Variants in MARCHF8 observed in about 807,000 individuals in gnomAD.
MARCHF8 encodes membrane associated ring-CH-type finger 8.
Under a neutral mutation model 51.6 loss-of-function variants are expected in MARCHF8, and 40 were observed. The observed-to-expected ratio is 0.77, with a 90% CI of 0.60 to 1.01. The LOEUF is 1.01. Ranked by LOEUF, MARCHF8 falls within the 50% of genes least tolerant of loss-of-function variation. MARCHF8 has a pLI of 0.00. For synonymous variants in MARCHF8, 263 were observed against 280.3 expected (o/e 0.94, Z 0.62); for missense variants, 685 against 708.6 (o/e 0.97, Z 0.38).
intron 1 of MARCHF8, among the ~76,000 whole-genome samples, chr10:45,568,105 G>T (rs2044384922): frequency 6.6e-6 from 1 of 152,108 alleles, no homozygotes; most frequent in South Asian, 2.1e-4. Context: ...AAATGCTACT[G>T]ATTTTGGTAC....
At chr10:45,469,662 G>A (rs554164061) in intron 3 of MARCHF8, among the ~76,000 whole-genome samples, 43 of 151,956 alleles carry the variant, frequency 2.8e-4, no homozygotes, top group African/African-American at 8.0e-4. Context: ...TCAGGAGATC[G>A]AGACCATCCT....
chr10:45,510,777 A>C (rs1439046598), intron 2 of MARCHF8, among the ~76,000 whole-genome samples: 1 of 152,124 alleles, frequency 6.6e-6, no homozygotes, highest in Non-Finnish European at 1.5e-5. Flanking sequence ...ACAGCCACAC[A>C]TTTGTTCTAA....
At chr10:45,479,453 G>A (rs569622701) in intron 3 of MARCHF8, among the ~76,000 whole-genome samples, 3 of 152,240 alleles carry the variant, frequency 2.0e-5, no homozygotes, top group East Asian at 3.9e-4. Flanking sequence ...AAGAATGCCC[G>A]CTGATATGAT....
chr10:45,496,643 G>C (rs534911662), intron 2 of MARCHF8, among the ~76,000 whole-genome samples: 1 of 152,040 alleles, frequency 6.6e-6, no homozygotes, highest in South Asian at 2.1e-4. Context: ...ACAATGTATT[G>C]TTGGGTTTGT....
At chr10:45,592,561 A>T (rs2044692764) in intron 1 of MARCHF8, among the ~76,000 whole-genome samples, 1 of 152,228 alleles carries the variant, frequency 6.6e-6, no homozygotes, top group Non-Finnish European at 1.5e-5. Flanking sequence ...GATATTTTAA[A>T]CTACTTACCA....
chr10:45,497,587 G>A (rs1234634747), intron 2 of MARCHF8, among the ~76,000 whole-genome samples: 1 of 152,126 alleles, frequency 6.6e-6, no homozygotes, highest in African/African-American at 2.4e-5. Flanking sequence ...CTACAACAGA[G>A]TTAAACTTTA....
chr10:45,524,510 G>C (rs1479170948), intron 2 of MARCHF8, among the ~76,000 whole-genome samples: 1 of 152,216 alleles, frequency 6.6e-6, no homozygotes, highest in East Asian at 1.9e-4. Context: ...GATGATTCAA[G>C]AAGCCACGCA....
chr10:45,471,506 G>A (rs1366741291), intron 3 of MARCHF8, among the ~76,000 whole-genome samples: 1 of 152,210 alleles, frequency 6.6e-6, no homozygotes, highest in Non-Finnish European at 1.5e-5. Context: ...AAGGGGCTGT[G>A]TTTGTGAGTT....
In MARCHF8 at chr10:45,458,549, AG is replaced by A; in HGVS notation, c.1418-7del. Reference sequence around the variant, plus strand: ...AAAGGGCCATTCTAGGATTCCTGGAAGGGAAAAACTCAGCCTATTAGATTTT... The same window carrying A: ...AAAGGGCCATTCTAGGATTCCTGGAAGGAAAAACTCAGCCTATTAGATTTT... On this transcript the variant is annotated splice_polypyrimidine_tract_variant and splice_region_variant and intron_variant, in intron 7 of 7. Coordinates refer to ENST00000453424, the MANE Select transcript of MARCHF8 (RefSeq NM_001282866.2). 2 of 1,572,294 alleles carry A rather than the reference AG, an allele frequency of 1.3e-6. No homozygotes were observed. The highest frequency in any genetic ancestry group is 1.7e-6 in the Non-Finnish European group (2 of 1,162,798).
chr10:45,502,232 G>C (rs2043294234), intron 2 of MARCHF8, among the ~76,000 whole-genome samples: 2 of 152,028 alleles, frequency 1.3e-5, no homozygotes, highest in Admixed American at 1.3e-4. Flanking sequence ...AGAAAACTGT[G>C]GTCCGTGCAT....
intron 2 of MARCHF8, among the ~76,000 whole-genome samples, chr10:45,504,110 G>A (rs1400228814): frequency 6.6e-6 from 1 of 152,130 alleles, no homozygotes; most frequent in Non-Finnish European, 1.5e-5. Context: ...ACTTTAAAAG[G>A]GTGATTTAAT....
At position 45,463,493 on chromosome 10, in the gene MARCHF8, C is replaced by A. The variant is rs1401150129; in HGVS notation, c.746G>T (p.Gly249Val). The A allele has an allele frequency of 1.9e-6, 3 of 1,550,526 alleles. No individual in the cohort carries two copies. The African/African-American group carries it at 4.1e-5, about 21-fold the overall frequency. Residue 249 changes from glycine (G) to valine (V), a missense_variant, in exon 5 of 8, where the codon GGT becomes GTT. By Grantham distance (109) the Gly-to-Val change is moderately radical. Coordinates refer to ENST00000453424, the MANE Select transcript of MARCHF8 (RefSeq NM_001282866.2). ...TTGCCGGCTTCGGGACGTGGCCTCA[C>A]CATCCGCCTTCTCTTCCAGCAGCAG... is the stretch of plus-strand genomic sequence containing the variant. ...PGLLLEEKAD[G>V]EATSRSRQLL...
At chr10:45,487,506 C>G (rs2043003339) in intron 3 of MARCHF8, among the ~76,000 whole-genome samples, 1 of 152,220 alleles carries the variant, frequency 6.6e-6, no homozygotes, top group Non-Finnish European at 1.5e-5. Flanking sequence ...TCACTTTTCT[C>G]CGTGCTTAGA....
At chr10:45,459,329 A>G in intron 6 of MARCHF8, 62 bp from the exon 7 acceptor site, 1 of 1,558,880 alleles carries the variant, frequency 6.4e-7, no homozygotes, top group Non-Finnish European at 8.7e-7. Context: ...GTGGGGTGAG[A>G]GCATTGTAGG....
upstream of MARCHF8, among the ~76,000 whole-genome samples, chr10:45,537,002 C>T (rs187829253): frequency 6.6e-6 from 1 of 152,074 alleles, no homozygotes; most frequent in East Asian, 1.9e-4. Flanking sequence ...CAAGTGTTAG[C>T]AAGGATGTTG....
chr10:45,502,052 A>G (rs2043289532), intron 2 of MARCHF8, among the ~76,000 whole-genome samples: 1 of 152,182 alleles, frequency 6.6e-6, no homozygotes, highest in Non-Finnish European at 1.5e-5. Context: ...AAATAAAATG[A>G]CAGTTATCCT....
chr10:45,567,048 T>C (rs2044372818), intron 1 of MARCHF8, among the ~76,000 whole-genome samples: 1 of 152,252 alleles, frequency 6.6e-6, no homozygotes, highest in Non-Finnish European at 1.5e-5. Flanking sequence ...CACCTTTTCA[T>C]ATACCTGTTT....
In MARCHF8 at chr10:45,458,563, C is replaced by A; in HGVS notation, c.1418-20G>T. 1 of 1,551,226 alleles carries A rather than the reference C, an allele frequency of 6.4e-7. No homozygotes were observed. On this transcript the variant is annotated intron_variant, in intron 7 of 7. Coordinates refer to ENST00000453424, the MANE Select transcript of MARCHF8 (RefSeq NM_001282866.2). ...GGATTCCTGGAAGGGAAAAACTCAG[C>A]CTATTAGATTTTATTTAAGATATGA...
At chr10:45,579,215 G>C (rs1489637179) in intron 1 of MARCHF8, among the ~76,000 whole-genome samples, 3 of 152,116 alleles carry the variant, frequency 2.0e-5, no homozygotes, top group Non-Finnish European at 4.4e-5. Context: ...TGCATAAAAA[G>C]AAAGGGGGAA....
Sources: allele counts gnomAD v4.1 joint callset (sites outside exome capture counted in the v4.1 genomes callset), GRCh38; gene constraint gnomAD v4.1.1; transcripts MANE v1.5; gene names NCBI Gene and HGNC (gene_info 2026-07-23, HGNC 2026-07-21).